Variants in CCDC178 observed in about 807,000 individuals in gnomAD.
CCDC178 encodes the protein coiled-coil domain-containing protein 178.
CCDC178 carries 126 observed loss-of-function variants against 117.4 expected under a neutral mutation model. The observed-to-expected ratio is 1.07, with a 90% confidence interval of 0.93 to 1.24. The LOEUF is 1.24. Among genes scored for constraint, CCDC178 ranks in the 50% most tolerant of loss-of-function variants. The pLI is 0.00. For missense variants in CCDC178, 1,030 were observed against 986.9 expected (o/e 1.04, Z -0.59); for synonymous variants, 283 against 313.4 (o/e 0.90, Z 1.02).
At chr18:33,006,731 T>A (rs1351087518) in intron 21 of CCDC178, among the ~76,000 whole-genome samples, 2 of 152,060 alleles carry the variant, frequency 1.3e-5, no homozygotes, top group Non-Finnish European at 2.9e-5. Flanking sequence ...TCTTTGCAGA[T>A]AAGAAGGGAG....
At chr18:33,337,567 T>C (rs1356993251) in intron 9 of CCDC178, among the ~76,000 whole-genome samples, 1 of 152,064 alleles carries the variant, frequency 6.6e-6, no homozygotes, top group African/African-American at 2.4e-5. Context: ...AATGGGCACG[T>C]AGACCAATGG....
intron 22 of CCDC178, among the ~76,000 whole-genome samples, chr18:32,973,707 T>C (rs2054975418): frequency 6.6e-6 from 1 of 152,096 alleles, no homozygotes; most frequent in Non-Finnish European, 1.5e-5. Flanking sequence ...ATGAAGTGCG[T>C]GTATAATAAA....
chr18:33,317,246 G>C (rs893105156), intron 11 of CCDC178, among the ~76,000 whole-genome samples: 2 of 152,018 alleles, frequency 1.3e-5, no homozygotes, highest in Non-Finnish European at 2.9e-5. Context: ...TGAAGCCAAC[G>C]AGACCACGAA....
intron 20 of CCDC178, among the ~76,000 whole-genome samples, chr18:33,134,059 A>G (rs975429701): frequency 6.6e-6 from 1 of 151,946 alleles, no homozygotes; most frequent in Non-Finnish European, 1.5e-5. Flanking sequence ...AAAAGAAAAG[A>G]AAAAAATTTA....
At chr18:33,277,588 T>C (rs2059965899) in intron 12 of CCDC178, among the ~76,000 whole-genome samples, 1 of 152,134 alleles carries the variant, frequency 6.6e-6, no homozygotes, top group South Asian at 2.1e-4. Flanking sequence ...TCTCCTTTAG[T>C]GGCTCTGGGG....
At chr18:33,297,932 C>A (rs1421363563) in intron 11 of CCDC178, among the ~76,000 whole-genome samples, 4 of 151,896 alleles carry the variant, frequency 2.6e-5, no homozygotes, top group African/African-American at 9.7e-5. Context: ...GTCCCAGCTA[C>A]TCGGGAGGCT....
chr18:33,371,446 AG>A lies in CCDC178; in HGVS notation c.209-1258del, dbSNP rs920184452. On this transcript the variant is annotated intron_variant, in intron 5 of 22. Coordinates refer to ENST00000383096, the MANE Select transcript of CCDC178 (RefSeq NM_001105528.4). ...CTTGATTTCATAGATGAGGAAATCAAGGCTTAAATAAATTATATAACTTGTC... is the reference window on the plus strand; with the variant it reads ...CTTGATTTCATAGATGAGGAAATCAAGCTTAAATAAATTATATAACTTGTC... Among the ~76,000 whole-genome samples, 261 of 152,090 alleles carry A rather than the reference AG, an allele frequency of 1.7e-3. 1 individual carries two copies. The highest frequency in any genetic ancestry group is 5.8e-3 in the African/African-American group (239 of 41,546).
At chr18:33,245,181 G>GAT in intron 15 of CCDC178, 64 bp downstream of exon 15, 1 of 1,320,104 alleles carries the variant, frequency 7.6e-7, no homozygotes, top group East Asian at 2.6e-5. Flanking sequence ...AGATGAAATC[G>GAT]ATACAATTCA....
chr18:33,261,347 T>C (rs1053581649), intron 14 of CCDC178, among the ~76,000 whole-genome samples: 1 of 152,128 alleles, frequency 6.6e-6, no homozygotes, highest in African/African-American at 2.4e-5. Context: ...CCTCCCAAAG[T>C]TCTGGGACTA....
At chr18:33,282,813 C>T (rs1189252007) in intron 12 of CCDC178, among the ~76,000 whole-genome samples, 4 of 152,130 alleles carry the variant, frequency 2.6e-5, no homozygotes, top group Non-Finnish European at 4.4e-5. Context: ...CCAGAGCCAG[C>T]AAGCCCGGCT....
chr18:33,295,887 T>C (rs1392844592), intron 11 of CCDC178, among the ~76,000 whole-genome samples: 1 of 152,144 alleles, frequency 6.6e-6, no homozygotes, highest in Non-Finnish European at 1.5e-5. Flanking sequence ...TTTTATAAAA[T>C]TAAACTTACA....
At chr18:33,197,851 T>C (rs1051759490) in intron 20 of CCDC178, among the ~76,000 whole-genome samples, 9 of 152,336 alleles carry the variant, frequency 5.9e-5, no homozygotes, top group East Asian at 1.9e-4. Flanking sequence ...TTTCACATTA[T>C]AAAAATCAAC....
intron 7 of CCDC178, among the ~76,000 whole-genome samples, chr18:33,350,646 A>T (rs2062962665): frequency 2.6e-5 from 4 of 152,172 alleles, no homozygotes; most frequent in Admixed American, 2.6e-4. Context: ...TTGTGTATAT[A>T]CAACACATTT....
intron 21 of CCDC178, among the ~76,000 whole-genome samples, chr18:33,077,732 T>C (rs2057234084): frequency 6.6e-6 from 1 of 152,064 alleles, no homozygotes; most frequent in Non-Finnish European, 1.5e-5. Flanking sequence ...TGAATGAGCA[T>C]GAAACTGATT....
At chr18:33,278,304 TATATATATATA>T (rs2059978152) in intron 12 of CCDC178, among the ~76,000 whole-genome samples, 1 of 144,150 alleles carries the variant, frequency 6.9e-6, no homozygotes, top group Non-Finnish European at 1.5e-5. Context: ...TATATATATA[TATATATATATA>T]TTTACTTCAT....
chr18:32,967,183 T>G (rs2144675753), intron 22 of CCDC178, among the ~76,000 whole-genome samples: 1 of 151,880 alleles, frequency 6.6e-6, no homozygotes, highest in South Asian at 2.1e-4. Flanking sequence ...TAACATATTT[T>G]CTAAAGTTGA....
chr18:33,298,077 A>G (rs1027425676), intron 11 of CCDC178, among the ~76,000 whole-genome samples: 2 of 151,912 alleles, frequency 1.3e-5, no homozygotes, highest in African/African-American at 4.8e-5. Context: ...TTCTTCTAAA[A>G]CTATTCCAAA....
intron 20 of CCDC178, among the ~76,000 whole-genome samples, chr18:33,164,810 T>C (rs1477414989): frequency 1.3e-5 from 2 of 152,174 alleles, no homozygotes; most frequent in African/African-American, 2.4e-5. Flanking sequence ...TGTGGATATT[T>C]TTCTTTGATA....
At chr18:33,431,173 G>A (rs1207680174) in intron 2 of CCDC178, among the ~76,000 whole-genome samples, 2 of 141,590 alleles carry the variant, frequency 1.4e-5, no homozygotes, top group African/African-American at 2.5e-5. Context: ...CTACATAAGT[G>A]AAATACAAAT....
Sources: allele counts gnomAD v4.1 joint callset (sites outside exome capture counted in the v4.1 genomes callset), GRCh38; gene constraint gnomAD v4.1.1; transcripts MANE v1.5; gene names NCBI Gene and HGNC (gene_info 2026-07-23, HGNC 2026-07-21).